The following EPS8L2 variants were observed in gnomAD, a reference collection of about 807,000 sequenced individuals.
EPS8L2 encodes epidermal growth factor receptor kinase substrate 8-like protein 2.
EPS8L2 carries 81 observed loss-of-function variants against 99.4 expected under a neutral mutation model. That is an observed-to-expected ratio of 0.82 (90% CI 0.68 to 0.98). The LOEUF (loss-of-function observed/expected upper bound fraction) is 0.98. Among genes scored for constraint, EPS8L2 ranks in the 50% least tolerant of loss-of-function variants. EPS8L2 has a pLI of 0.00. For missense variants in EPS8L2, 1,155 were observed against 968.8 expected, an observed-to-expected ratio of 1.19 and a Z score of -2.55; for synonymous variants, 509 against 407.3, an observed-to-expected ratio of 1.25 and a Z score of -3.01.
At position 723,255 on chromosome 11, in the gene EPS8L2, C is replaced by G; in HGVS notation, c.1356C>G (p.Ser452Arg). The G allele has an allele frequency of 6.2e-7, 1 of 1,603,794 alleles. No homozygotes were observed. The highest frequency in any genetic ancestry group is 8.5e-7 in the Non-Finnish European group (1 of 1,176,122). ...CTTCCCCACAGGTGAGTCCAGTGAG[C>G]CGACAGTCCATAAGAAACTCCCAGA... The part of the protein sequence containing the change: ...SAPIEEVSPV[S>R]RQSIRNSQKH... The change falls in exon 15 of 21, where the codon AGC (serine) becomes AGG (arginine). Residue 452 changes from serine (S) to arginine (R), a missense_variant. Ser to Arg is a moderately radical substitution (Grantham distance 110). Transcript: ENST00000318562.
At chr11:722,247 C>T in intron 12 of EPS8L2, 82 bp downstream of exon 12, 2 of 1,547,908 alleles carry the variant, frequency 1.3e-6, no homozygotes, top group Non-Finnish European at 1.8e-6. Flanking sequence ...GGGGTTGGGG[C>T]AGCAGGTGCC....
chr11:721,385 C>G (rs1185418597), intron 9 of EPS8L2, 33 bp downstream of exon 9: 9 of 1,536,584 alleles, frequency 5.9e-6, no homozygotes, highest in Non-Finnish European at 7.9e-6. Flanking sequence ...TGGCCCCTCT[C>G]TTCCCCGCCC....
intron 4 of EPS8L2, among the ~76,000 whole-genome samples, chr11:718,967 CTTTTT>C (rs745422884): frequency 8.0e-6 from 1 of 125,268 alleles, no homozygotes; most frequent in Non-Finnish European, 1.7e-5. Flanking sequence ...TGCGCCCGAT[CTTTTT>C]TTTTTTTTTT....
intron 16 of EPS8L2, among the ~76,000 whole-genome samples, chr11:725,417 G>C (rs1862286429): frequency 6.6e-6 from 1 of 152,218 alleles, no homozygotes; most frequent in African/African-American, 2.4e-5. Context: ...AGGCTGAGGT[G>C]GGGGGATCGC....
intron 10 of EPS8L2, 37 bp from the exon 11 acceptor site, chr11:721,866 A>T: frequency 6.4e-7 from 1 of 1,560,852 alleles, no homozygotes; most frequent in Non-Finnish European, 8.7e-7. Context: ...CGGGGAGATC[A>T]GGGCCAGCCT....
rs758456537 is a variant in EPS8L2, at chr11:726,892, C to T, written c.2068-9C>T. ...CCCGGCTGAGGATGCCCCCATTTCT[C>T]CTCCCTAGAAGCAGCAAAGTGGGTC... is the stretch of plus-strand genomic sequence containing the variant. On this transcript the variant is annotated splice_polypyrimidine_tract_variant and intron_variant, in intron 20 of 20. Coordinates refer to ENST00000318562, the MANE Select transcript of EPS8L2 (RefSeq NM_022772.4). 1.9e-6 allele frequency: 3 copies of T among 1,611,584 alleles called. No homozygotes were observed. Among genetic ancestry groups the T allele is most frequent in the South Asian group, 2.2e-5 (2 of 90,588 alleles).
intron 16 of EPS8L2, among the ~76,000 whole-genome samples, chr11:725,506 G>A (rs1335564121): frequency 1.3e-5 from 2 of 152,148 alleles, no homozygotes; most frequent in African/African-American, 4.8e-5. Context: ...GTGAGACCCT[G>A]TCTCCGAGAA....
chr11:717,163 G>A (rs1862046032), intron 4 of EPS8L2, among the ~76,000 whole-genome samples: 1 of 152,082 alleles, frequency 6.6e-6, no homozygotes, highest in African/African-American at 2.4e-5. Flanking sequence ...TTTTAGTAGA[G>A]ACGGGGTATC....
In EPS8L2 at chr11:724,909, G is replaced by A. The variant is rs1862275677; in HGVS notation, c.1560+80G>A. 2 of 1,062,356 alleles carry A rather than the reference G, an allele frequency of 1.9e-6. No individual in the cohort carries two copies. Among genetic ancestry groups the A allele is most frequent in the Non-Finnish European group, 2.9e-6 (2 of 697,340 alleles). 65.8% of individuals were successfully genotyped at this position (1,062,356 alleles called of 1,614,324 possible). ...GAGGGGCTACCAGGGGAGGTGGGGA[G>A]CGGTCTAGGGCCAGGCTGGGTGATG... On this transcript the variant is annotated intron_variant, in intron 16 of 20. Coordinates refer to ENST00000318562, the MANE Select transcript of EPS8L2 (RefSeq NM_022772.4). This position sits in a 1 kb window ranked among gnomAD's most constrained non-coding sequence, Gnocchi z 5.5.
Position 726,092 on chromosome 11 carries a change from C to T in EPS8L2, c.1681-6C>T. ...TGGGGAGCCTAATCGCCCCCCGCCC[C>T]CGCAGGCCGGTCAGAAGTACTGGGG... On this transcript the variant is annotated splice_polypyrimidine_tract_variant and splice_region_variant and intron_variant, in intron 17 of 20. Transcript: ENST00000318562. 1 of 1,576,562 alleles carries T rather than the reference C, an allele frequency of 6.3e-7. No homozygotes were observed. Among genetic ancestry groups the T allele is most frequent in the Non-Finnish European group, 8.7e-7 (1 of 1,155,192 alleles).
chr11:722,009 A>G lies in EPS8L2; in HGVS notation c.984+18A>G, dbSNP rs372505475. ...ACTTGCTGGTGGGTCCGGTGGCCCC[A>G]GCCCTGCCCCACTGTCTGTGCTGAG... On this transcript the variant is annotated intron_variant, in intron 11 of 20. Transcript: ENST00000318562. 1.2e-6 allele frequency: 2 copies of G among 1,606,694 alleles called. No homozygotes were observed. The highest frequency in any genetic ancestry group is 1.7e-6 in the Non-Finnish European group (2 of 1,176,778).
In EPS8L2 at chr11:722,708, A is replaced by G. The variant is rs769866383; in HGVS notation, c.1244A>G (p.Tyr415Cys). Residue 415 changes from tyrosine (Y) to cysteine (C), a missense_variant, in exon 14 of 21, where the codon TAC becomes TGC. Transcript: ENST00000318562. ...EWPREPQVPL[Y>C]VPKFHSGWEP... ...CCGCGGGAGCCACAGGTGCCCCTCTACGTGCCCAAGTTCCACAGCGGCTGG... is the reference window on the plus strand; with the variant it reads ...CCGCGGGAGCCACAGGTGCCCCTCTGCGTGCCCAAGTTCCACAGCGGCTGG... 1 of 1,609,216 alleles carries G rather than the reference A, an allele frequency of 6.2e-7. No homozygotes were observed.
At chr11:720,541 C>T (rs759096861) in intron 5 of EPS8L2, 56 bp from the exon 6 acceptor site, 1 of 1,561,680 alleles carries the variant, frequency 6.4e-7, no homozygotes, top group Non-Finnish European at 8.7e-7. Flanking sequence ...CCGGCCACTC[C>T]CTGCCAGAGT....
rs1862138308 is a variant in EPS8L2 at position 720,820 on chromosome 11, G to GC, written c.478-9dup. The GC allele has an allele frequency of 3.2e-6, 5 of 1,542,754 alleles. No individual in the cohort carries two copies. The highest frequency in any genetic ancestry group is 2.6e-6 in the Non-Finnish European group (3 of 1,145,706). Reference sequence around the variant, plus strand: ...CCGCCCTCCTGGCCGCCTGACGCCCGCTTTCCCAGGCAGAGCTGGTGCACG... The same window carrying GC: ...CCGCCCTCCTGGCCGCCTGACGCCCGCCTTTCCCAGGCAGAGCTGGTGCACG... On this transcript the variant is annotated splice_polypyrimidine_tract_variant and intron_variant, in intron 6 of 20. Coordinates refer to ENST00000318562, the MANE Select transcript of EPS8L2 (RefSeq NM_022772.4).
At chr11:720,791 C>T in intron 6 of EPS8L2, 39 bp from the exon 7 acceptor site, 1 of 1,542,536 alleles carries the variant, frequency 6.5e-7, no homozygotes. Flanking sequence ...CGCCGCGCCG[C>T]GCCCCGCCCT....
chr11:726,295 C>A lies in EPS8L2; in HGVS notation c.1754-9C>A. 1 of 1,600,114 alleles carries A rather than the reference C, an allele frequency of 6.2e-7. No homozygotes were observed. The highest frequency in any genetic ancestry group is 1.1e-5 in the South Asian group (1 of 89,658). On this transcript the variant is annotated splice_polypyrimidine_tract_variant and intron_variant, in intron 18 of 20. Coordinates refer to ENST00000318562, the MANE Select transcript of EPS8L2 (RefSeq NM_022772.4). ...GGCAGCGGCGGGCCTGAGTCGCGCG[C>A]CCCCTCAGAGCTCATGCAGCACATG...
intron 4 of EPS8L2, among the ~76,000 whole-genome samples, chr11:712,394 G>A (rs1293327408): frequency 7.1e-5 from 10 of 141,806 alleles, no homozygotes; most frequent in Admixed American, 4.9e-4. Context: ...GCCTGGGTGC[G>A]AGCTGGGCTC....
chr11:713,337 C>A (rs1251312889), intron 4 of EPS8L2, among the ~76,000 whole-genome samples: 1 of 152,212 alleles, frequency 6.6e-6, no homozygotes, highest in Non-Finnish European at 1.5e-5. Flanking sequence ...TTGGTGGCTA[C>A]CCCCAACCTC....
rs1862267308 is a variant in EPS8L2, at chr11:724,582, G to A, written c.1455-142G>A. 3.2e-6 allele frequency: 2 copies of A among 633,210 alleles called. No individual in the cohort carries two copies. The highest frequency in any genetic ancestry group is 5.7e-6 in the Non-Finnish European group (2 of 353,116). The allele number at this position is 633,210 out of a possible 1,614,324, so 39.2% of individuals were successfully genotyped here. A position where few individuals can be genotyped will look rare whatever the true frequency, so the allele number is the denominator to read the frequency against. On this transcript the variant is annotated intron_variant, in intron 15 of 20. Coordinates refer to ENST00000318562, the MANE Select transcript of EPS8L2 (RefSeq NM_022772.4). The surrounding 1 kb of genome is among the most constrained non-coding windows in gnomAD (Gnocchi z 5.5). ...TTTCCATTCCGGGCTGACGCTGCCTGCAGCCTCTCTCCACGGTGACCTCCA... is the reference window on the plus strand; with the variant it reads ...TTTCCATTCCGGGCTGACGCTGCCTACAGCCTCTCTCCACGGTGACCTCCA...
Sources: gnomAD v4.1 joint callset for allele counts (sites outside exome capture counted in the v4.1 genomes callset) on GRCh38, gnomAD v4.1.1 for gene constraint, Gnocchi (gnomAD v3.1) non-coding constraint, MANE v1.5 for transcripts, NCBI Gene and HGNC (gene_info 2026-07-23, HGNC 2026-07-21) for gene names.